The following MTO1 variants were observed in gnomAD, a reference collection of about 807,000 sequenced individuals.
The protein encoded by MTO1 is mitochondrial tRNA translation optimization 1, also known as 5-taurinomethyluridine-[tRNA] synthase subunit MTO1, mitochondrial.
A neutral mutation model predicts 71.6 loss-of-function variants in MTO1; 46 were observed. That is an observed-to-expected ratio of 0.64 (90% CI 0.51 to 0.82). MTO1 has a LOEUF of 0.82. Among genes scored for constraint, MTO1 ranks in the 40% least tolerant of loss-of-function variants. The pLI, the probability that MTO1 is intolerant of heterozygous loss-of-function variation, is 0.00. For synonymous variants in MTO1, 297 were observed against 312.1 expected (o/e 0.95, Z 0.51); for missense variants, 773 against 867.5 (o/e 0.89, Z 1.37).
intron 1 of MTO1, among the ~76,000 whole-genome samples, chr6:73,465,469 T>TTTA (rs1561938801): frequency 2.6e-5 from 4 of 151,774 alleles, no homozygotes; most frequent in Non-Finnish European, 5.9e-5. Context: ...CGGCCCTGTT[T>TTTA]TTTATTTATT....
At chr6:73,488,695 G>A (rs950711781) in intron 9 of MTO1, among the ~76,000 whole-genome samples, 2 of 151,724 alleles carry the variant, frequency 1.3e-5, no homozygotes, top group African/African-American at 4.8e-5. Flanking sequence ...GATTACCTGA[G>A]GTCAGGAGTT....
In MTO1 at chr6:73,466,357, G is replaced by A. The variant is rs141495600; in HGVS notation, c.366G>A (p.Val122=). ...TAAACCGGCGTAAGGGACCAGCTGTGTGGGGTCTGAGAGCTCAGATTGATA... is the reference window on the plus strand; with the variant it reads ...TAAACCGGCGTAAGGGACCAGCTGTATGGGGTCTGAGAGCTCAGATTGATA... ...KVLNRRKGPA[V]WGLRAQIDRK... is the part of the protein sequence containing the mutation. The change falls in exon 2 of 12, where the codon GTG becomes GTA. Residue 122 remains valine, a synonymous_variant. Coordinates refer to ENST00000498286, the MANE Select transcript of MTO1 (RefSeq NM_012123.4). The A allele has an allele frequency of 9.3e-6, 15 of 1,614,086 alleles. No homozygotes were observed. The highest frequency in any genetic ancestry group is 1.3e-5 in the African/African-American group (1 of 74,928).
chr6:73,496,077 C>T (rs1049758275), intron 10 of MTO1, among the ~76,000 whole-genome samples: 1 of 152,116 alleles, frequency 6.6e-6, no homozygotes, highest in African/African-American at 2.4e-5. Flanking sequence ...GTCATCTGGG[C>T]CAGCCCTTGC....
intron 7 of MTO1, chr6:73,481,079 T>C: frequency 2.5e-6 from 1 of 407,152 alleles, no homozygotes. Flanking sequence ...CAGCCCTCCC[T>C]AGTAGCTGGG....
chr6:73,499,964 T>C (rs1189842599), intron 11 of MTO1, among the ~76,000 whole-genome samples: 4 of 152,208 alleles, frequency 2.6e-5, no homozygotes, highest in Non-Finnish European at 5.9e-5. Flanking sequence ...GGATTAGATA[T>C]ATCTTATTAC....
At chr6:73,485,052 A>G (rs1175231900) in intron 9 of MTO1, among the ~76,000 whole-genome samples, 1 of 152,030 alleles carries the variant, frequency 6.6e-6, no homozygotes, top group Non-Finnish European at 1.5e-5. Context: ...GTATCAAAAA[A>G]AAAAAAAAAA....
intron 9 of MTO1, chr6:73,487,501 G>T (rs1013267466): frequency 6.9e-6 from 1 of 145,456 alleles, no homozygotes; most frequent in Admixed American, 6.9e-5. Flanking sequence ...ATTTTTTTGA[G>T]TGTATACCCA....
chr6:73,501,008 T>C lies in MTO1; in HGVS notation c.*273T>C, dbSNP rs777364657. 2.1e-5 allele frequency: 5 copies of C among 241,896 alleles called. No homozygotes were observed. Among genetic ancestry groups the C allele is most frequent in the African/African-American group, 4.5e-5 (2 of 44,928 alleles). 15.0% of individuals were successfully genotyped at this position (241,896 alleles called of 1,614,324 possible). On this transcript the variant is annotated 3_prime_UTR_variant, in exon 12 of 12. Coordinates refer to ENST00000498286, the MANE Select transcript of MTO1 (RefSeq NM_012123.4). ...AAGAGAGAGACAGTGAACCTAAAAC[T>C]GAACCTGGAATAAAACTCAACATGC... is the stretch of plus-strand genomic sequence containing the variant.
At chr6:73,466,453 A>G (rs199565353) in intron 2 of MTO1, 36 bp from the exon 3 acceptor site, 30 of 1,613,138 alleles carry the variant, frequency 1.9e-5, no homozygotes, top group Non-Finnish European at 2.4e-5. Flanking sequence ...GTGATTGTTT[A>G]ATTACCATGT....
rs540343714 is a variant in MTO1 at position 73,504,830 on chromosome 6, G to A, written c.*4095G>A. The A allele has an allele frequency of 1.3e-5, 2 of 152,166 alleles. No individual in the cohort carries two copies. Among genetic ancestry groups the A allele is most frequent in the Non-Finnish European group, 2.9e-5 (2 of 68,074 alleles). The allele number at this position is 152,166 out of a possible 1,614,324, so 9.4% of individuals were successfully genotyped here. A position where few individuals can be genotyped will look rare whatever the true frequency, so the allele number is the denominator to read the frequency against. On this transcript the variant is annotated 3_prime_UTR_variant, in exon 12 of 12. Coordinates refer to ENST00000498286, the MANE Select transcript of MTO1 (RefSeq NM_012123.4). Reference sequence around the variant, plus strand: ...GAGCCGGGGAGTTTGAGGCTGCAGTGAGTTGATAGCATGCCACCACACTCC... The same window carrying A: ...GAGCCGGGGAGTTTGAGGCTGCAGTAAGTTGATAGCATGCCACCACACTCC...
intron 3 of MTO1, among the ~76,000 whole-genome samples, 181 bp downstream of exon 3, chr6:73,466,787 G>A (rs1405791475): frequency 6.6e-6 from 1 of 152,050 alleles, no homozygotes; most frequent in East Asian, 1.9e-4. Flanking sequence ...CATTTATGAT[G>A]CTCAGTCAAA....
Position 73,462,031 on chromosome 6 carries a change from C to CT in MTO1, c.178dup (p.Ser60PhefsTer19), listed in dbSNP as rs1450362268. ...CAGCCACCGCCGCCGCTCGGTGCGG[C>CT]TCTCGGACTCTGCTCCTCACTCACC... On this transcript the variant is annotated frameshift_variant, in exon 1 of 12. Coordinates refer to ENST00000498286, the MANE Select transcript of MTO1 (RefSeq NM_012123.4). LOFTEE classifies it high-confidence loss of function. The CT allele has an allele frequency of 6.2e-7, 1 of 1,614,030 alleles. No homozygotes were observed. Among genetic ancestry groups the CT allele is most frequent in the South Asian group, 1.1e-5 (1 of 91,084 alleles).
Position 73,497,905 on chromosome 6 carries a change from A to G in MTO1, c.1917+9A>G. ...TTAGTCGTCCACAGACGGTAAGAAA[A>G]TAGGCAGGAGAATAGAAACAAGTTA... On this transcript the variant is annotated intron_variant, in intron 11 of 11. Transcript: ENST00000498286. 6.2e-7 allele frequency: 1 copy of G among 1,602,130 alleles called. No individual in the cohort carries two copies. The highest frequency in any genetic ancestry group is 8.5e-7 in the Non-Finnish European group (1 of 1,171,472).
chr6:73,497,658 G>T (rs1344129433), intron 10 of MTO1, 78 bp from the exon 11 acceptor site: 20 of 1,429,768 alleles, frequency 1.4e-5, no homozygotes, highest in Admixed American at 4.0e-5. Context: ...TTTGTAAATT[G>T]TAAGAGGCTA....
intron 10 of MTO1, among the ~76,000 whole-genome samples, chr6:73,496,637 C>G (rs905967097): frequency 3.0e-5 from 4 of 134,416 alleles, no homozygotes; most frequent in African/African-American, 1.1e-4. Context: ...CCCCTCCCCC[C>G]ACCCCACAAC....
chr6:73,464,338 T>C (rs1237417275), intron 1 of MTO1, among the ~76,000 whole-genome samples: 3 of 152,124 alleles, frequency 2.0e-5, no homozygotes, highest in Non-Finnish European at 4.4e-5. Flanking sequence ...GACTAAGGTA[T>C]GTTAGGTAAC....
intron 11 of MTO1, 44 bp from the exon 12 acceptor site, chr6:73,500,530 C>T: frequency 1.9e-6 from 3 of 1,549,948 alleles, no homozygotes; most frequent in Non-Finnish European, 2.6e-6. Flanking sequence ...TTTGATTTGA[C>T]ATAGCATAGC....
intron 1 of MTO1, among the ~76,000 whole-genome samples, chr6:73,464,828 T>G (rs1770931794): frequency 8.4e-6 from 1 of 118,900 alleles, no homozygotes; most frequent in Non-Finnish European, 1.6e-5. Context: ...AGAGCGAAAC[T>G]CTGTCTCAAA....
At chr6:73,481,958 A>G (rs780640925) in intron 7 of MTO1, 82 bp from the exon 8 acceptor site, 7 of 1,460,024 alleles carry the variant, frequency 4.8e-6, no homozygotes, top group Non-Finnish European at 6.7e-6. Flanking sequence ...GTCCCATGCC[A>G]TTGTTTCTGA....
Sources: gnomAD v4.1 joint callset for allele counts (sites outside exome capture counted in the v4.1 genomes callset) on GRCh38, gnomAD v4.1.1 for gene constraint, MANE v1.5 for transcripts, NCBI Gene and HGNC (gene_info 2026-07-23, HGNC 2026-07-21) for gene names.